Variants in FCAR observed in about 807,000 individuals in gnomAD.
FCAR encodes Fc alpha receptor, also known as immunoglobulin alpha Fc receptor.
Under a neutral mutation model 27.1 loss-of-function variants are expected in FCAR, and 21 were observed. The ratio of observed to expected loss-of-function variants is 0.77; its 90% CI spans 0.55 to 1.11. FCAR has a LOEUF of 1.11. FCAR is among the 50% of genes most tolerant of loss of function. The probability of loss-of-function intolerance (pLI) is 0.00; values close to 1 mark genes in which losing one functional copy is unlikely to be tolerated. For synonymous variants in FCAR, 134 were observed against 135.8 expected (o/e 0.99, Z 0.09); for missense variants, 404 against 358.4 (o/e 1.13, Z -1.03).
rs968216707 is a variant in FCAR at position 54,890,124 on chromosome 19, T to C, written c.*261T>C. On this transcript the variant is annotated 3_prime_UTR_variant, in exon 5 of 5. Coordinates refer to ENST00000355524, the MANE Select transcript of FCAR (RefSeq NM_002000.4). ...ACATACCACTGCACCCAGCTAATTTTTGTATTTTTAGTAGAGATGGGGTTT... is the reference window on the plus strand; with the variant it reads ...ACATACCACTGCACCCAGCTAATTTCTGTATTTTTAGTAGAGATGGGGTTT... 1.2e-4 allele frequency: 60 copies of C among 511,588 alleles called. No individual in the cohort carries two copies. Among genetic ancestry groups the C allele is most frequent in the Non-Finnish European group, 1.9e-4 (55 of 285,918 alleles). The allele number at this position is 511,588 out of a possible 1,614,324, so 31.7% of individuals were successfully genotyped here.
intron 2 of FCAR, among the ~76,000 whole-genome samples, chr19:54,884,957 C>T (rs1230285983): frequency 6.6e-6 from 1 of 152,002 alleles, no homozygotes; most frequent in Non-Finnish European, 1.5e-5. Context: ...CACGCGCCCG[C>T]CACCACGTCC....
At chr19:54,888,472 AGTTCTCCAGACAGG>A (rs1331685780) in intron 4 of FCAR, 178 bp downstream of exon 4, 1 of 1,428,118 alleles carries the variant, frequency 7.0e-7, no homozygotes, top group Non-Finnish European at 9.1e-7. Flanking sequence ...TCCTCGCTAG[AGTTCTCCAGACAGG>A]GTTCATTGAA....
intron 2 of FCAR, among the ~76,000 whole-genome samples, chr19:54,878,342 T>C (rs1393708428): frequency 2.0e-5 from 3 of 152,190 alleles, no homozygotes. Context: ...TCAGGTCCAT[T>C]TGATCCACTG....
At chr19:54,875,494 C>T (rs1188319526) in intron 2 of FCAR, 129 bp downstream of exon 2, 3 of 777,986 alleles carry the variant, frequency 3.9e-6, no homozygotes, top group Admixed American at 2.3e-5. Context: ...TGCTGTGCTT[C>T]TCTTGCATAA....
chr19:54,884,273 G>A (rs1202118590), intron 2 of FCAR, among the ~76,000 whole-genome samples: 2 of 152,208 alleles, frequency 1.3e-5, no homozygotes, highest in African/African-American at 4.8e-5. Flanking sequence ...TGTGGTAACG[G>A]CACCCGACTG....
intron 4 of FCAR, chr19:54,888,885 A>G: frequency 2.0e-6 from 2 of 985,536 alleles, no homozygotes; most frequent in Non-Finnish European, 2.4e-6. Context: ...GAATTCACCA[A>G]GTGAGGAGAG....
chr19:54,878,486 C>T (rs587726828), intron 2 of FCAR, among the ~76,000 whole-genome samples: 17 of 152,198 alleles, frequency 1.1e-4, no homozygotes, highest in African/African-American at 3.1e-4. Flanking sequence ...TTTATGAATC[C>T]GGGTGCTTCC....
At chr19:54,886,409 G>A (rs184960014) in intron 3 of FCAR, among the ~76,000 whole-genome samples, 6 of 134,690 alleles carry the variant, frequency 4.5e-5, no homozygotes, top group African/African-American at 8.3e-5. Flanking sequence ...CCGGGTTCAC[G>A]CCATTCTCCT....
intron 2 of FCAR, among the ~76,000 whole-genome samples, chr19:54,877,759 C>T (rs2066175906): frequency 6.6e-6 from 1 of 152,140 alleles, no homozygotes; most frequent in Non-Finnish European, 1.5e-5. Context: ...TTAACACTGC[C>T]TTAGCTGTGT....
intron 2 of FCAR, among the ~76,000 whole-genome samples, chr19:54,881,934 G>A (rs199708321): frequency 1.1e-4 from 1 of 9,380 alleles, no homozygotes. Context: ...TAAATAAATT[G>A]AAGCATGAAT....
intron 2 of FCAR, among the ~76,000 whole-genome samples, chr19:54,884,963 C>T (rs1401322518): frequency 6.6e-6 from 1 of 151,968 alleles, no homozygotes; most frequent in Non-Finnish European, 1.5e-5. Context: ...CCCGCCACCA[C>T]GTCCTGCTAA....
At chr19:54,886,206 C>G (rs1270695600) in intron 3 of FCAR, among the ~76,000 whole-genome samples, 1 of 150,984 alleles carries the variant, frequency 6.6e-6, no homozygotes, top group Non-Finnish European at 1.5e-5. Context: ...CAAGATCACA[C>G]CACTGCACTC....
chr19:54,881,904 T>C (rs1167452978), intron 2 of FCAR, among the ~76,000 whole-genome samples: 2 of 25,692 alleles, frequency 7.8e-5, no homozygotes, highest in Non-Finnish European at 1.7e-4. Context: ...AATAAATAAA[T>C]AAATAAATAA....
At chr19:54,875,466 C>T in intron 2 of FCAR, 101 bp downstream of exon 2, 1 of 955,470 alleles carries the variant, frequency 1.0e-6, no homozygotes, top group Non-Finnish European at 1.7e-6. Context: ...TTATTTTAAT[C>T]CCCATTCTAG....
intron 2 of FCAR, among the ~76,000 whole-genome samples, chr19:54,882,829 T>C (rs2066500328): frequency 6.6e-6 from 1 of 152,112 alleles, no homozygotes; most frequent in African/African-American, 2.4e-5. Context: ...TTTCTGGGTG[T>C]TTTCAGATGC....
intron 2 of FCAR, among the ~76,000 whole-genome samples, chr19:54,876,539 G>A (rs1246604824): frequency 6.6e-6 from 1 of 152,116 alleles, no homozygotes; most frequent in Non-Finnish European, 1.5e-5. Flanking sequence ...TAGCATAAAG[G>A]GATGTTGAAT....
chr19:54,881,414 C>G (rs917299177), intron 2 of FCAR, among the ~76,000 whole-genome samples: 1 of 152,084 alleles, frequency 6.6e-6, no homozygotes, highest in African/African-American at 2.4e-5. Flanking sequence ...CTGGGAGCTC[C>G]GCCACAGAGA....
At chr19:54,889,584 C>T (rs1008435017) in intron 4 of FCAR, 65 bp from the exon 5 acceptor site, 3 of 1,381,468 alleles carry the variant, frequency 2.2e-6, no homozygotes, top group Admixed American at 3.4e-5. Context: ...CGTTTCAGGG[C>T]TCTGGGGTTG....
chr19:54,878,877 T>C (rs1195365990), intron 2 of FCAR, among the ~76,000 whole-genome samples: 1 of 42,828 alleles, frequency 2.3e-5, no homozygotes, highest in Non-Finnish European at 4.8e-5. Flanking sequence ...AGTCTTGCTT[T>C]TTTTTTTTTT....
Sources: allele counts gnomAD v4.1 joint callset (sites outside exome capture counted in the v4.1 genomes callset), GRCh38; gene constraint gnomAD v4.1.1; transcripts MANE v1.5; gene names NCBI Gene and HGNC (gene_info 2026-07-23, HGNC 2026-07-21).